Variants in PSEN1 observed in about 807,000 individuals in gnomAD.
PSEN1 encodes the protein presenilin-1.
In PSEN1, 15 loss-of-function variants were observed where a neutral mutation model predicts 53.5. The observed-to-expected ratio is 0.28, with a 90% CI of 0.19 to 0.43. The LOEUF (loss-of-function observed/expected upper bound fraction) is 0.43, where lower values mean the gene tolerates loss of function less well. Among genes scored for constraint, PSEN1 ranks in the 20% least tolerant of loss-of-function variants. The pLI is 1.00. For synonymous variants in PSEN1, 208 were observed against 209.8 expected, an observed-to-expected ratio of 0.99 and a Z score of 0.08; for missense variants, 387 against 571.2, an observed-to-expected ratio of 0.68 and a Z score of 3.29.
chr14:73,185,341 C>T (rs1453683661), intron 5 of PSEN1, among the ~76,000 whole-genome samples: 13 of 152,304 alleles, frequency 8.5e-5, no homozygotes, highest in African/African-American at 2.9e-4. Context: ...AACGAGACTC[C>T]GTCTGCAATC....
chr14:73,137,595 C>A (rs1896781301), intron 1 of PSEN1, among the ~76,000 whole-genome samples: 1 of 152,016 alleles, frequency 6.6e-6, no homozygotes, highest in African/African-American at 2.4e-5. Flanking sequence ...GGAACACTTG[C>A]AACGAGGGGG....
chr14:73,138,956 G>C (rs1489407076), intron 1 of PSEN1, among the ~76,000 whole-genome samples: 1 of 146,460 alleles, frequency 6.8e-6, no homozygotes, highest in Non-Finnish European at 1.5e-5. Context: ...GACAGAGCCA[G>C]ACTCTGTCAA....
intron 3 of PSEN1, among the ~76,000 whole-genome samples, chr14:73,162,536 G>A (rs1897584359): frequency 6.6e-6 from 1 of 151,630 alleles, no homozygotes; most frequent in South Asian, 2.1e-4. Context: ...GCACGTATCT[G>A]CAGTCTCAGC....
In PSEN1 at chr14:73,192,641, C is replaced by T; in HGVS notation, c.549-3C>T. 6.2e-7 allele frequency: 1 copy of T among 1,602,694 alleles called. No homozygotes were observed. The highest frequency in any genetic ancestry group is 1.3e-5 in the African/African-American group (1 of 74,684). ...TTTTAAAATCTGTGTAATTTTTTTT[C>T]AGGGAAGTGTTTAAAACCTATAACG... On this transcript the variant is annotated splice_polypyrimidine_tract_variant and splice_region_variant and intron_variant, in intron 6 of 11. Transcript: ENST00000324501.
At chr14:73,175,657 T>C (rs1898028727) in intron 5 of PSEN1, among the ~76,000 whole-genome samples, 1 of 152,348 alleles carries the variant, frequency 6.6e-6, no homozygotes, top group Admixed American at 6.5e-5. Flanking sequence ...CTATGAGATA[T>C]TTGATTCAAG....
chr14:73,206,281 A>G, intron 8 of PSEN1, 105 bp from the exon 9 acceptor site: 6 of 799,584 alleles, frequency 7.5e-6, no homozygotes, highest in Non-Finnish European at 1.3e-5. Context: ...GTCTTAAGGC[A>G]GCATTAGGAA....
chr14:73,202,462 A>AT (rs1166113102), intron 8 of PSEN1, among the ~76,000 whole-genome samples: 5 of 11,526 alleles, frequency 4.3e-4, no homozygotes, highest in African/African-American at 1.3e-3. Flanking sequence ...ATATATATAT[A>AT]TTTTTTTTTT....
intron 10 of PSEN1, among the ~76,000 whole-genome samples, chr14:73,216,773 TATTA>T (rs1439536117): frequency 2.0e-5 from 3 of 150,684 alleles, no homozygotes; most frequent in Non-Finnish European, 3.0e-5. Context: ...AAAAAAAAAA[TATTA>T]ATTAATATGA....
intron 7 of PSEN1, among the ~76,000 whole-genome samples, chr14:73,196,578 A>G (rs1051307348): frequency 2.7e-5 from 4 of 150,118 alleles, no homozygotes; most frequent in African/African-American, 4.9e-5. Flanking sequence ...GGCTCAAGCA[A>G]TCCTCCCACC....
intron 3 of PSEN1, among the ~76,000 whole-genome samples, chr14:73,158,609 A>G (rs1375673164): frequency 2.6e-5 from 4 of 152,178 alleles, no homozygotes; most frequent in Non-Finnish European, 4.4e-5. Context: ...GGCGTGAGCC[A>G]TCACACCTGG....
rs1900088056 is a variant in PSEN1 at position 73,220,194 on chromosome 14, A to G, written c.*905A>G. ...TCCTCTGTCCTCATTCTTCTCTCCC[A>G]CACAAGCAGTCTTTTTCTACAGCCA... On this transcript the variant is annotated 3_prime_UTR_variant, in exon 12 of 12. Coordinates refer to ENST00000324501, the MANE Select transcript of PSEN1 (RefSeq NM_000021.4). The G allele has an allele frequency of 6.6e-6, 1 of 152,194 alleles. No individual in the cohort carries two copies. Among genetic ancestry groups the G allele is most frequent in the African/African-American group, 2.4e-5 (1 of 41,432 alleles). 9.4% of individuals were successfully genotyped at this position (152,194 alleles called of 1,614,324 possible). A position where few individuals can be genotyped will look rare whatever the true frequency, so the allele number is the denominator to read the frequency against.
intron 10 of PSEN1, among the ~76,000 whole-genome samples, chr14:73,213,244 C>G (rs1566654483): frequency 6.6e-6 from 1 of 152,262 alleles, no homozygotes; most frequent in East Asian, 1.9e-4. Flanking sequence ...ATTAGGTTGC[C>G]TCTTCTACTT....
chr14:73,189,327 C>T (rs887517269), intron 6 of PSEN1, among the ~76,000 whole-genome samples: 1 of 152,084 alleles, frequency 6.6e-6, no homozygotes, highest in Admixed American at 6.5e-5. Context: ...CAAAAGTCCC[C>T]TGTCTGGGTG....
At chr14:73,208,883 CTGT>C in intron 9 of PSEN1, 1 of 455,122 alleles carries the variant, frequency 2.2e-6, no homozygotes, top group Non-Finnish European at 4.4e-6. Context: ...GGCACCCAGG[CTGT>C]TCATGCCAAA....
chr14:73,138,859 C>T (rs570290867), intron 1 of PSEN1, among the ~76,000 whole-genome samples: 2 of 150,976 alleles, frequency 1.3e-5, no homozygotes, highest in South Asian at 2.1e-4. Flanking sequence ...CCCAGCTACT[C>T]GGGAGGCTGA....
chr14:73,163,795 A>G (rs1897627739), intron 3 of PSEN1, among the ~76,000 whole-genome samples: 1 of 152,188 alleles, frequency 6.6e-6, no homozygotes, highest in Non-Finnish European at 1.5e-5. Context: ...GAGAGGAGGA[A>G]CAGTTTGTGG....
intron 1 of PSEN1, among the ~76,000 whole-genome samples, chr14:73,138,804 C>CA (rs76081140): frequency 0.027 from 3,571 of 132,304 alleles, 57 homozygotes; most frequent in East Asian, 0.071. Context: ...CTAAAAAATA[C>CA]AAAAAAAAAA....
chr14:73,219,347 G>A lies in PSEN1; in HGVS notation c.*58G>A, dbSNP rs1900058302. ...TTCTTTGACTATAACAAAATCTGGG[G>A]AGGACAAAGGTGATTTTCCTGTGTC... On this transcript the variant is annotated 3_prime_UTR_variant, in exon 12 of 12. Coordinates refer to ENST00000324501, the MANE Select transcript of PSEN1 (RefSeq NM_000021.4). 3 of 1,535,858 alleles carry A rather than the reference G, an allele frequency of 2.0e-6. No homozygotes were observed. Among genetic ancestry groups the A allele is most frequent in the Non-Finnish European group, 1.8e-6 (2 of 1,112,944 alleles).
At chr14:73,213,997 T>C (rs1192371740) in intron 10 of PSEN1, among the ~76,000 whole-genome samples, 1 of 152,162 alleles carries the variant, frequency 6.6e-6, no homozygotes, top group Non-Finnish European at 1.5e-5. Flanking sequence ...TCAAGAGAAT[T>C]TTAAAACATA....
Sources: allele counts gnomAD v4.1 joint callset (sites outside exome capture counted in the v4.1 genomes callset), GRCh38; gene constraint gnomAD v4.1.1; transcripts MANE v1.5; gene names NCBI Gene and HGNC (gene_info 2026-07-23, HGNC 2026-07-21).